Variants in LIMK2 observed in about 807,000 individuals in gnomAD.
LIMK2 encodes the protein LIM domain kinase 2.
Under a neutral mutation model 75.7 loss-of-function variants are expected in LIMK2, and 35 were observed. The observed-to-expected ratio is 0.46, with a 90% CI of 0.35 to 0.61. The LOEUF (loss-of-function observed/expected upper bound fraction) is 0.61, where lower values mean the gene tolerates loss of function less well. Ranked by LOEUF, LIMK2 falls within the 20% of genes least tolerant of loss-of-function variation. LIMK2 has a pLI of 0.00. For missense variants in LIMK2, 623 were observed against 831.0 expected, an observed-to-expected ratio of 0.75 and a Z score of 3.08; for synonymous variants, 301 against 319.2, an observed-to-expected ratio of 0.94 and a Z score of 0.61.
At chr22:31,251,008 G>T (rs1045758255) in intron 2 of LIMK2, among the ~76,000 whole-genome samples, 1 of 152,138 alleles carries the variant, frequency 6.6e-6, no homozygotes, top group African/African-American at 2.4e-5. Context: ...AGGGAGCAAG[G>T]GAATGAAGAA....
In LIMK2 at chr22:31,212,957, T is replaced by G. The variant is rs146505301; in HGVS notation, c.16+533T>G. 8.5e-4 allele frequency among the ~76,000 whole-genome samples: 129 copies of G among 152,166 alleles called. 2 individuals are homozygous for G. In the South Asian group the frequency reaches 0.026, roughly 31 times the overall value. ...AAGGCTTCTCGCGGGCATCTTGGTG[T>G]CTGGGAGTCCCCCGGGGCTGGGAGC... is the stretch of plus-strand genomic sequence containing the variant. On this transcript the variant is annotated intron_variant, in intron 1 of 15. Coordinates refer to ENST00000331728, the MANE Select transcript of LIMK2 (RefSeq NM_005569.4).
Position 31,275,314 on chromosome 22 carries a change from T to C in LIMK2, c.1772+6T>C, listed in dbSNP as rs770634503. 1.2e-6 allele frequency: 2 copies of C among 1,614,090 alleles called. No individual in the cohort carries two copies. The highest frequency in any genetic ancestry group is 1.7e-6 in the Non-Finnish European group (2 of 1,179,994). On this transcript the variant is annotated splice_donor_region_variant and intron_variant, in intron 15 of 15. Transcript: ENST00000331728. ...AGACTGGAGCCTGAGAGCAGGTTGG[T>C]ATCCTGCCTTTTTCTCCCAGCTCAC... is the stretch of plus-strand genomic sequence containing the variant.
intron 2 of LIMK2, among the ~76,000 whole-genome samples, chr22:31,229,582 G>T (rs983929890): frequency 2.6e-5 from 4 of 152,072 alleles, no homozygotes; most frequent in Non-Finnish European, 5.9e-5. Context: ...ATTCTTCAAG[G>T]CCCCCTTCCA....
intron 2 of LIMK2, among the ~76,000 whole-genome samples, chr22:31,247,090 C>G (rs1455220290): frequency 6.6e-6 from 1 of 152,208 alleles, no homozygotes. Context: ...ATCAGACTTT[C>G]CTGCCATGGT....
chr22:31,273,641 T>C, intron 14 of LIMK2, 134 bp downstream of exon 14: 1 of 699,848 alleles, frequency 1.4e-6, no homozygotes, highest in Non-Finnish European at 2.6e-6. Flanking sequence ...TTATGGTTTA[T>C]AACGCATCTG....
intron 1 of LIMK2, among the ~76,000 whole-genome samples, chr22:31,214,519 G>A (rs973977929): frequency 2.6e-5 from 4 of 151,466 alleles, no homozygotes; most frequent in South Asian, 2.1e-4. Context: ...TGTTGCCCAC[G>A]GTGGTTTCAA....
At chr22:31,215,280 T>C (rs2048380719) in intron 1 of LIMK2, among the ~76,000 whole-genome samples, 1 of 152,218 alleles carries the variant, frequency 6.6e-6, no homozygotes, top group African/African-American at 2.4e-5. Flanking sequence ...ACTTAAACTT[T>C]CACTTGTTAT....
chr22:31,246,177 A>ACG (rs2048666509), intron 2 of LIMK2, among the ~76,000 whole-genome samples: 1 of 121,560 alleles, frequency 8.2e-6, no homozygotes, highest in Non-Finnish European at 1.6e-5. Flanking sequence ...CGACACACGC[A>ACG]CGCACGCACA....
chr22:31,219,078 G>T (rs1260319760), intron 1 of LIMK2, among the ~76,000 whole-genome samples: 1 of 152,200 alleles, frequency 6.6e-6, no homozygotes, highest in East Asian at 1.9e-4. Context: ...CCCTTCCACT[G>T]AATAGCTGTG....
At chr22:31,271,095 A>G (rs775851541) in intron 11 of LIMK2, 41 bp from the exon 12 acceptor site, 14 of 1,574,746 alleles carry the variant, frequency 8.9e-6, no homozygotes, top group Non-Finnish European at 1.2e-5. Flanking sequence ...GGTCTAGTTG[A>G]TTTGCTGGCC....
At chr22:31,235,244 GCTTTTCCCTGCCCTTCC>G (rs1266414857) in intron 2 of LIMK2, among the ~76,000 whole-genome samples, 3 of 152,110 alleles carry the variant, frequency 2.0e-5, no homozygotes, top group African/African-American at 7.2e-5. Context: ...TGTAAGTCAG[GCTTTTCCCTGCCCTTCC>G]CCTTCCCCTT....
chr22:31,256,730 T>A (rs774941937), intron 2 of LIMK2, among the ~76,000 whole-genome samples: 152 of 152,198 alleles, frequency 1.0e-3, no homozygotes, highest in Non-Finnish European at 1.4e-3. Flanking sequence ...AAGTAAAATA[T>A]CTTGCCCAAG....
chr22:31,252,769 A>G (rs749559556), intron 2 of LIMK2, among the ~76,000 whole-genome samples: 1 of 152,192 alleles, frequency 6.6e-6, no homozygotes, highest in African/African-American at 2.4e-5. Context: ...GCCAGGCATC[A>G]TGCAAGACAT....
intron 1 of LIMK2, among the ~76,000 whole-genome samples, chr22:31,221,018 A>G (rs1231192698): frequency 6.6e-6 from 1 of 152,180 alleles, no homozygotes; most frequent in Non-Finnish European, 1.5e-5. Context: ...GCTTATACAT[A>G]GAGAATAACT....
At chr22:31,272,502 A>C (rs1405227314) in intron 12 of LIMK2, 28 bp from the exon 13 acceptor site, 4 of 1,574,168 alleles carry the variant, frequency 2.5e-6, no homozygotes, top group Non-Finnish European at 2.6e-6. Flanking sequence ...ATCCCCATGA[A>C]GTCCTGACCT....
At chr22:31,255,557 G>A (rs919611558) in intron 2 of LIMK2, among the ~76,000 whole-genome samples, 1 of 152,156 alleles carries the variant, frequency 6.6e-6, no homozygotes, top group Non-Finnish European at 1.5e-5. Context: ...TAGCTCAGCT[G>A]CTTCAACTCA....
intron 1 of LIMK2, among the ~76,000 whole-genome samples, chr22:31,217,345 C>T (rs1185374147): frequency 1.3e-5 from 2 of 151,458 alleles, no homozygotes; most frequent in East Asian, 1.9e-4. Flanking sequence ...TGCAGTGAGC[C>T]GAGGTTGCAC....
intron 2 of LIMK2, among the ~76,000 whole-genome samples, chr22:31,244,303 G>A (rs182732153): frequency 6.6e-6 from 1 of 152,344 alleles, no homozygotes; most frequent in African/African-American, 2.4e-5. Flanking sequence ...TTCATCACAT[G>A]GAAATCAGAG....
At chr22:31,224,381 A>C (rs2123773293) in intron 1 of LIMK2, among the ~76,000 whole-genome samples, 1 of 152,250 alleles carries the variant, frequency 6.6e-6, no homozygotes, top group African/African-American at 2.4e-5. Flanking sequence ...CTTCCTCTAC[A>C]AAGACTTTCC....
Sources: allele counts gnomAD v4.1 joint callset (sites outside exome capture counted in the v4.1 genomes callset), GRCh38; gene constraint gnomAD v4.1.1; transcripts MANE v1.5; gene names NCBI Gene and HGNC (gene_info 2026-07-23, HGNC 2026-07-21).